The following ITPR2 variants were observed in gnomAD, a reference collection of about 807,000 sequenced individuals.
ITPR2 encodes the protein inositol 1,4,5-trisphosphate-gated calcium channel ITPR2.
Under a neutral mutation model 317.1 loss-of-function variants are expected in ITPR2, and 207 were observed. That is an observed-to-expected ratio of 0.65 (90% CI 0.58 to 0.73). The LOEUF is 0.73. ITPR2 is among the 30% of genes least tolerant of loss of function. The pLI, the probability that ITPR2 is intolerant of heterozygous loss-of-function variation, is 0.00. For synonymous variants in ITPR2, 1,156 were observed against 1,149.1 expected, an observed-to-expected ratio of 1.01 and a Z score of -0.12; for missense variants, 2,613 against 3,284.0, an observed-to-expected ratio of 0.80 and a Z score of 4.99.
At chr12:26,373,772 A>G (rs1939256805) in intron 55 of ITPR2, 1 of 152,168 alleles carries the variant, frequency 6.6e-6, no homozygotes, top group South Asian at 2.1e-4. Context: ...TGTGCTTTAT[A>G]CTGGAACTTT....
chr12:26,723,375 C>A (rs1948868309), intron 4 of ITPR2, among the ~76,000 whole-genome samples: 1 of 152,108 alleles, frequency 6.6e-6, no homozygotes, highest in African/African-American at 2.4e-5. Context: ...CCCTCATGGG[C>A]TGGACTTTGG....
chr12:26,552,285 C>A (rs899558390), intron 36 of ITPR2, among the ~76,000 whole-genome samples: 3 of 152,208 alleles, frequency 2.0e-5, no homozygotes, highest in East Asian at 1.9e-4. Flanking sequence ...ACCTCCTGGG[C>A]TCAAGCTATC....
chr12:26,698,034 A>G (rs879274749), intron 9 of ITPR2, among the ~76,000 whole-genome samples: 9 of 152,192 alleles, frequency 5.9e-5, no homozygotes, highest in Admixed American at 1.3e-4. Flanking sequence ...AGAAAAAGAA[A>G]ATGGTCACAG....
At chr12:26,680,462 T>A (rs1948007667) in intron 13 of ITPR2, among the ~76,000 whole-genome samples, 2 of 152,204 alleles carry the variant, frequency 1.3e-5, no homozygotes, top group South Asian at 4.1e-4. Flanking sequence ...ACACTGTTTT[T>A]TAAATTTTTT....
chr12:26,620,324 C>A (rs1266885285), intron 26 of ITPR2, among the ~76,000 whole-genome samples: 1 of 152,208 alleles, frequency 6.6e-6, no homozygotes, highest in African/African-American at 2.4e-5. Flanking sequence ...GATTAATTAT[C>A]TCTTGCTCTG....
At chr12:26,817,853 G>A (rs1329474418) in intron 1 of ITPR2, among the ~76,000 whole-genome samples, 2 of 151,218 alleles carry the variant, frequency 1.3e-5, no homozygotes, top group African/African-American at 2.4e-5. Flanking sequence ...GTTGAATGGG[G>A]TAGGGGCAGA....
At chr12:26,545,434 G>A (rs551415177) in intron 37 of ITPR2, among the ~76,000 whole-genome samples, 1 of 152,238 alleles carries the variant, frequency 6.6e-6, no homozygotes, top group African/African-American at 2.4e-5. Flanking sequence ...CGGCTTTAAA[G>A]ATAGGGGATG....
rs531496057 is a variant in ITPR2, at chr12:26,481,914, C to T, written c.6013-673G>A. Reference sequence around the variant, plus strand: ...AAACATCCTGTGAGATAAATATCCACATTTTGAAGGTTAAGATCGACCATG... The same window carrying T: ...AAACATCCTGTGAGATAAATATCCATATTTTGAAGGTTAAGATCGACCATG... On this transcript the variant is annotated intron_variant, in intron 42 of 56. Coordinates refer to ENST00000381340, the MANE Select transcript of ITPR2 (RefSeq NM_002223.4). Among the ~76,000 whole-genome samples, 3 of 152,242 alleles carry T rather than the reference C, an allele frequency of 2.0e-5. No homozygotes were observed. The South Asian group carries it at 6.2e-4, about 32-fold the overall frequency.
rs201705110 is a variant in ITPR2 at position 26,578,853 on chromosome 12, A to G, written c.4510-20T>C. 1.3e-6 allele frequency: 2 copies of G among 1,590,214 alleles called. No homozygotes were observed. The highest frequency in any genetic ancestry group is 1.3e-5 in the African/African-American group (1 of 74,758). On this transcript the variant is annotated intron_variant, in intron 33 of 56. Coordinates refer to ENST00000381340, the MANE Select transcript of ITPR2 (RefSeq NM_002223.4). Reference sequence around the variant, plus strand: ...ATGTGTCTAAAACCAGAAAGAAGGTAGGCAAAAAGAGATGCTAAACCATTA... The same window carrying G: ...ATGTGTCTAAAACCAGAAAGAAGGTGGGCAAAAAGAGATGCTAAACCATTA...
At chr12:26,573,389 A>T (rs1024638647) in intron 34 of ITPR2, among the ~76,000 whole-genome samples, 2 of 152,208 alleles carry the variant, frequency 1.3e-5, no homozygotes, top group African/African-American at 4.8e-5. Context: ...TGCTTAGTCA[A>T]GAACAAACAC....
chr12:26,549,072 G>A (rs980863916), intron 37 of ITPR2, among the ~76,000 whole-genome samples: 1 of 152,092 alleles, frequency 6.6e-6, no homozygotes, highest in African/African-American at 2.4e-5. Flanking sequence ...TCAGAATCTG[G>A]TACTTCAGTC....
At chr12:26,395,719 C>T (rs576573491) in intron 54 of ITPR2, among the ~76,000 whole-genome samples, 1 of 152,200 alleles carries the variant, frequency 6.6e-6, no homozygotes, top group African/African-American at 2.4e-5. Context: ...GGCCCCATAA[C>T]GCTATACCCT....
At chr12:26,781,633 T>C (rs1258471295) in intron 2 of ITPR2, among the ~76,000 whole-genome samples, 2 of 152,098 alleles carry the variant, frequency 1.3e-5, no homozygotes, top group East Asian at 1.9e-4. Flanking sequence ...GGTGGACTTG[T>C]GATGGTTAAT....
chr12:26,740,881 A>T (rs1209943872), intron 2 of ITPR2, among the ~76,000 whole-genome samples: 1 of 152,210 alleles, frequency 6.6e-6, no homozygotes, highest in African/African-American at 2.4e-5. Flanking sequence ...AAGTTTCAAA[A>T]GATGTAAATA....
In ITPR2 at chr12:26,339,314, T is replaced by C. The variant is rs1203694826; in HGVS notation, c.*83A>G. The stretch of plus-strand genomic sequence containing the variant: ...TTTAACTTTTCAACAATAGGCACTG[T>C]TCACTCCCCTCCATCTCAGTTCTTT... On this transcript the variant is annotated 3_prime_UTR_variant, in exon 57 of 57. Coordinates refer to ENST00000381340, the MANE Select transcript of ITPR2 (RefSeq NM_002223.4). The C allele has an allele frequency of 8.3e-7, 1 of 1,211,526 alleles. No individual in the cohort carries two copies. Among genetic ancestry groups the C allele is most frequent in the East Asian group, 2.3e-5 (1 of 42,596 alleles). 75.0% of individuals were successfully genotyped at this position (1,211,526 alleles called of 1,614,324 possible).
intron 2 of ITPR2, among the ~76,000 whole-genome samples, chr12:26,742,913 A>C (rs1243524331): frequency 6.6e-6 from 1 of 152,220 alleles, no homozygotes; most frequent in Admixed American, 6.5e-5. Flanking sequence ...AAAAGGCCAC[A>C]TAAGGTATGG....
intron 31 of ITPR2, among the ~76,000 whole-genome samples, chr12:26,596,122 G>A (rs1280301715): frequency 2.0e-5 from 3 of 152,218 alleles, no homozygotes; most frequent in Non-Finnish European, 4.4e-5. Flanking sequence ...TTTCAAGAAT[G>A]CATCTATTCC....
intron 1 of ITPR2, among the ~76,000 whole-genome samples, chr12:26,792,587 A>C (rs1343253718): frequency 6.6e-6 from 1 of 152,034 alleles, no homozygotes; most frequent in East Asian, 1.9e-4. Context: ...AATTGTCTTG[A>C]GTCTTCCAAT....
At chr12:26,550,501 C>G in intron 36 of ITPR2, 146 bp from the exon 37 acceptor site, 1 of 570,190 alleles carries the variant, frequency 1.8e-6, no homozygotes, top group East Asian at 3.3e-5. Flanking sequence ...GTTTTAAGAT[C>G]ACACTTCAGC....
Sources: allele counts gnomAD v4.1 joint callset (sites outside exome capture counted in the v4.1 genomes callset), GRCh38; gene constraint gnomAD v4.1.1; transcripts MANE v1.5; gene names NCBI Gene and HGNC (gene_info 2026-07-23, HGNC 2026-07-21).